Variants in THNSL1 observed in about 807,000 individuals in gnomAD.
THNSL1 encodes threonine synthase like 1.
THNSL1 carries 48 observed loss-of-function variants against 50.4 expected under a neutral mutation model. The ratio of observed to expected loss-of-function variants is 0.95; its 90% CI spans 0.76 to 1.21. THNSL1 has a LOEUF of 1.21. THNSL1 is among the 50% of genes most tolerant of loss of function. The pLI, the probability that THNSL1 is intolerant of heterozygous loss-of-function variation, is 0.00. For missense variants in THNSL1, 896 were observed against 871.7 expected, an observed-to-expected ratio of 1.03 and a Z score of -0.35; for synonymous variants, 309 against 306.1, an observed-to-expected ratio of 1.01 and a Z score of -0.10.
At chr10:25,000,364 T>C in the THNSL1 span, among the ~76,000 whole-genome samples, 1 of 152,172 alleles carries the variant, frequency 6.6e-6, no homozygotes, top group African/African-American at 2.4e-5. Context: ...AAATGTTCTG[T>C]ATCCTTCCTG....
In THNSL1 at chr10:25,023,930, A is replaced by G. The variant is rs1363259751; in HGVS notation, c.707A>G (p.His236Arg). The change falls in exon 3 of 3, where the codon CAC (histidine) becomes CGC (arginine). Residue 236 changes from histidine to arginine, a missense_variant. His to Arg is a conservative substitution (Grantham distance 29). Transcript: ENST00000376356. ...TCGGAAACATTCATTTCAACAAGAC[A>G]CGTTTGGCCTGAAGACTGTGAACAG... ...VDSETFISTRHVWPEDCEQKV... is the reference protein window; with the variant it reads ...VDSETFISTRRVWPEDCEQKV... 1.2e-6 allele frequency: 2 copies of G among 1,614,176 alleles called. No homozygotes were observed. Among genetic ancestry groups the G allele is most frequent in the Admixed American group, 1.7e-5 (1 of 60,024 alleles).
At chr10:24,955,616 A>C in the THNSL1 span, among the ~76,000 whole-genome samples, 2 of 152,204 alleles carry the variant, frequency 1.3e-5, no homozygotes, top group Non-Finnish European at 2.9e-5. Flanking sequence ...TGTTTGTAAA[A>C]TTATTCCATG....
chr10:25,009,255 TA>T, the THNSL1 span, among the ~76,000 whole-genome samples: 3,548 of 147,856 alleles, frequency 0.024, 133 homozygotes, highest in African/African-American at 0.082. Context: ...TAGAGTATAA[TA>T]AAAAAAAAAG....
At chr10:24,995,566 G>T in the THNSL1 span, 1 of 1,247,574 alleles carries the variant, frequency 8.0e-7, no homozygotes, top group Non-Finnish European at 1.1e-6. Flanking sequence ...CACTAATAAT[G>T]ATAACATAGA....
chr10:25,022,381 CA>C (rs968541510), intron 2 of THNSL1, among the ~76,000 whole-genome samples: 3 of 152,140 alleles, frequency 2.0e-5, no homozygotes, highest in African/African-American at 7.2e-5. Flanking sequence ...GGGTTAGAAA[CA>C]AAAGTGATGG....
chr10:24,992,351 G>A, the THNSL1 span, among the ~76,000 whole-genome samples: 3 of 152,262 alleles, frequency 2.0e-5, no homozygotes, highest in South Asian at 4.2e-4. Flanking sequence ...TAAGGAGGTC[G>A]GGGAGGAACT....
the THNSL1 span, among the ~76,000 whole-genome samples, chr10:24,996,429 A>T: frequency 1.4e-5 from 2 of 139,668 alleles, no homozygotes; most frequent in Non-Finnish European, 3.0e-5. Context: ...CTCAAAAAAG[A>T]TCATATATGT....
In THNSL1 at chr10:25,024,060, G is replaced by A. The variant is rs751540645; in HGVS notation, c.837G>A (p.Glu279=). ...AGTTTCCAAAATTAAGCTGCGGGGA[G>A]TGGAAAAGCCTAGTAGGAGCAACCT... ...AKEFPKLSCG[E]WKSLVGATYV... The change falls in exon 3 of 3, where the codon GAG becomes GAA. Residue 279 remains glutamate, a synonymous_variant. Coordinates refer to ENST00000376356, the MANE Select transcript of THNSL1 (RefSeq NM_024838.5). 3 of 1,614,190 alleles carry A rather than the reference G, an allele frequency of 1.9e-6. No homozygotes were observed. Among genetic ancestry groups the A allele is most frequent in the Non-Finnish European group, 2.5e-6 (3 of 1,180,016 alleles).
At chr10:25,007,419 T>C in the THNSL1 span, among the ~76,000 whole-genome samples, 5 of 149,212 alleles carry the variant, frequency 3.4e-5, no homozygotes, top group Admixed American at 1.3e-4. Flanking sequence ...AGGTTTCTTA[T>C]TTATTTATTT....
At chr10:25,016,070 C>T, upstream of THNSL1, 12 of 1,408,546 alleles carry the variant, frequency 8.5e-6, no homozygotes, top group Non-Finnish European at 1.1e-5. Context: ...CTCTCCTTCA[C>T]ATCGTCCCCC....
upstream of THNSL1, among the ~76,000 whole-genome samples, chr10:25,015,668 C>T (rs1850550842): frequency 6.6e-6 from 1 of 152,216 alleles, no homozygotes. Context: ...AGACTGCCCT[C>T]TCTGTAAAAC....
intron 1 of THNSL1, among the ~76,000 whole-genome samples, chr10:25,019,989 A>G (rs2132746262): frequency 6.6e-6 from 1 of 152,296 alleles, no homozygotes; most frequent in East Asian, 1.9e-4. Flanking sequence ...GACGTTCTCA[A>G]AAAAGAAATG....
chr10:24,952,502 C>G, the THNSL1 span: 1 of 1,574,210 alleles, frequency 6.4e-7, no homozygotes, highest in Non-Finnish European at 8.6e-7. The surrounding 1 kb of genome is among the most constrained non-coding windows in gnomAD (Gnocchi z 5.1). Context: ...GCGGGCCGAG[C>G]CCCAAAATAG....
chr10:25,007,716 G>T, the THNSL1 span, among the ~76,000 whole-genome samples: 2 of 152,126 alleles, frequency 1.3e-5, no homozygotes, highest in Non-Finnish European at 2.9e-5. Context: ...TTACAGGCTT[G>T]AGCGACTGCG....
chr10:24,970,621 GA>G, the THNSL1 span, among the ~76,000 whole-genome samples: 1 of 152,060 alleles, frequency 6.6e-6, no homozygotes, highest in Non-Finnish European at 1.5e-5. Flanking sequence ...GCTGCGGCAG[GA>G]GGATCACTTG....
the THNSL1 span, among the ~76,000 whole-genome samples, chr10:24,967,797 T>C: frequency 2.3e-3 from 345 of 152,040 alleles, 3 homozygotes; most frequent in African/African-American, 7.1e-3. Context: ...GTATGATGTG[T>C]GTATGATGTG....
the THNSL1 span, among the ~76,000 whole-genome samples, chr10:24,953,753 C>T: frequency 3.3e-5 from 5 of 152,306 alleles, no homozygotes; most frequent in South Asian, 1.0e-3. Flanking sequence ...TTCTGGCACA[C>T]AGAGGGGAGA....
chr10:25,010,840 A>G, the THNSL1 span, among the ~76,000 whole-genome samples: 2 of 151,192 alleles, frequency 1.3e-5, no homozygotes, highest in Non-Finnish European at 3.0e-5. Context: ...AGTCCAGTCT[A>G]TCATTGTTGG....
rs564969437 is a variant in THNSL1, at chr10:25,018,591, A to G, written c.-216+1899A>G. Among the ~76,000 whole-genome samples the G allele has an allele frequency of 3.3e-5, 5 of 150,468 alleles. No individual in the cohort carries two copies. The South Asian group carries it at 1.1e-3, about 32-fold the overall frequency. On this transcript the variant is annotated intron_variant, in intron 1 of 2. Coordinates refer to ENST00000376356, the MANE Select transcript of THNSL1 (RefSeq NM_024838.5). ...GGGCCAGATTTAGCCTGTGGATTGT[A>G]GTTTGCACAGATCCTAGATCCCCGT... is the stretch of plus-strand genomic sequence containing the variant.
Sources: gnomAD v4.1 joint callset for allele counts (sites outside exome capture counted in the v4.1 genomes callset) on GRCh38, gnomAD v4.1.1 for gene constraint, Gnocchi (gnomAD v3.1) non-coding constraint, MANE v1.5 for transcripts, NCBI Gene and HGNC (gene_info 2026-07-23, HGNC 2026-07-21) for gene names.